The following CADPS2 variants were observed in gnomAD, a reference collection of about 807,000 sequenced individuals.
CADPS2 encodes the protein calcium-dependent secretion activator 2.
In CADPS2, 93 loss-of-function variants were observed where a neutral mutation model predicts 172.5. The observed-to-expected ratio is 0.54, with a 90% CI of 0.46 to 0.64. The LOEUF is 0.64. CADPS2 is among the 30% of genes least tolerant of loss of function. The pLI is 0.00. For synonymous variants in CADPS2, 546 were observed against 555.2 expected (o/e 0.98, Z 0.23); for missense variants, 1,420 against 1,565.9 (o/e 0.91, Z 1.57).
intron 3 of CADPS2, among the ~76,000 whole-genome samples, chr7:122,654,635 C>T (rs892991406): frequency 6.6e-6 from 1 of 152,122 alleles, no homozygotes; most frequent in African/African-American, 2.4e-5. Flanking sequence ...TAGTATTGCT[C>T]ATTGACAATG....
intron 5 of CADPS2, among the ~76,000 whole-genome samples, 167 bp downstream of exon 5, chr7:122,621,314 A>G (rs927658476): frequency 6.6e-6 from 1 of 152,182 alleles, no homozygotes; most frequent in African/African-American, 2.4e-5. Flanking sequence ...GAAAATTTGC[A>G]TTCATTTGCA....
At chr7:122,389,873 T>C (rs1246834032) in intron 22 of CADPS2, among the ~76,000 whole-genome samples, 3 of 152,064 alleles carry the variant, frequency 2.0e-5, no homozygotes, top group Non-Finnish European at 4.4e-5. Flanking sequence ...ATTCTGCACA[T>C]GTATCCCAGA....
At position 122,795,619 on chromosome 7, in the gene CADPS2, GA is replaced by G. The variant is rs1796202935; in HGVS notation, c.340-58552del. Among the ~76,000 whole-genome samples the G allele has an allele frequency of 2.0e-5, 3 of 152,110 alleles. No homozygotes were observed. The South Asian group carries it at 6.2e-4, about 32-fold the overall frequency. The stretch of plus-strand genomic sequence containing the variant: ...AGAACTAAAGACAAAAACCACATGA[GA>G]ATCTCAATCTATGTAGAAAAAACTT... On this transcript the variant is annotated intron_variant, in intron 1 of 29. Coordinates refer to ENST00000449022, the MANE Select transcript of CADPS2 (RefSeq NM_017954.11).
In CADPS2 at chr7:122,661,890, A is replaced by G. The variant is rs1563994581; in HGVS notation, c.786+1347T>C. Among the ~76,000 whole-genome samples the G allele has an allele frequency of 2.0e-5, 3 of 152,202 alleles. No individual in the cohort carries two copies. The South Asian group carries it at 6.2e-4, about 31-fold the overall frequency. On this transcript the variant is annotated intron_variant, in intron 3 of 29. Transcript: ENST00000449022. ...TGAGCTACTGTTTCACTAAAAATAC[A>G]AAGTTCCAGTTGAAGTTATCTTTCA...
intron 1 of CADPS2, among the ~76,000 whole-genome samples, chr7:122,872,628 T>C (rs1820066390): frequency 6.6e-6 from 1 of 152,082 alleles, no homozygotes; most frequent in African/African-American, 2.4e-5. Context: ...TTTGTAAGCC[T>C]TTTTAACTAA....
At chr7:122,687,450 G>T (rs2083780609) in intron 2 of CADPS2, among the ~76,000 whole-genome samples, 1 of 152,208 alleles carries the variant, frequency 6.6e-6, no homozygotes, top group African/African-American at 2.4e-5. Context: ...ACCATGAGCT[G>T]TGGAACCAGA....
At position 122,543,103 on chromosome 7, in the gene CADPS2, A is replaced by T. The variant is rs565606844; in HGVS notation, c.1475+11447T>A. Among the ~76,000 whole-genome samples the T allele has an allele frequency of 2.6e-5, 4 of 151,924 alleles. No individual in the cohort carries two copies. In the South Asian group the frequency reaches 6.2e-4, roughly 24 times the overall value. On this transcript the variant is annotated intron_variant, in intron 8 of 29. Transcript: ENST00000449022. ...ATAATCTGTGAATTCTGGTATAAGGATATTTTGGAAACAGCTTCAAGCTAC... is the reference window on the plus strand; with the variant it reads ...ATAATCTGTGAATTCTGGTATAAGGTTATTTTGGAAACAGCTTCAAGCTAC...
At chr7:122,607,408 C>T (rs2073717906) in intron 6 of CADPS2, among the ~76,000 whole-genome samples, 1 of 152,068 alleles carries the variant, frequency 6.6e-6, no homozygotes, top group Non-Finnish European at 1.5e-5. Context: ...TAAGCCCTTC[C>T]AAATTTAGAC....
intron 25 of CADPS2, among the ~76,000 whole-genome samples, chr7:122,371,414 G>C (rs1319995361): frequency 6.6e-6 from 1 of 152,176 alleles, no homozygotes; most frequent in African/African-American, 2.4e-5. Context: ...CAGCAGGATG[G>C]AGTGAGTGCA....
chr7:122,590,864 ATAGT>A (rs2070685867), intron 6 of CADPS2, among the ~76,000 whole-genome samples: 1 of 151,980 alleles, frequency 6.6e-6, no homozygotes, highest in Non-Finnish European at 1.5e-5. Context: ...CTTAATTTTA[ATAGT>A]TAATTTATAC....
chr7:122,795,322 A>C (rs903496986), intron 1 of CADPS2, among the ~76,000 whole-genome samples: 1 of 152,186 alleles, frequency 6.6e-6, no homozygotes, highest in Non-Finnish European at 1.5e-5. Context: ...AGAGAATATC[A>C]TGAACACTTC....
chr7:122,752,723 C>T (rs186409809), intron 1 of CADPS2, among the ~76,000 whole-genome samples: 11 of 152,236 alleles, frequency 7.2e-5, no homozygotes, highest in Admixed American at 2.0e-4. Context: ...AACTCTTTCC[C>T]TGTGAAACTT....
Position 122,600,380 on chromosome 7 carries a change from A to C in CADPS2, c.1223+14801T>G, listed in dbSNP as rs897465217. 3.0e-4 allele frequency among the ~76,000 whole-genome samples: 45 copies of C among 152,214 alleles called. 1 individual carries two copies. The highest frequency in any genetic ancestry group is 9.6e-4 in the African/African-American group (40 of 41,556). ...CTTCTCTGAAAAAACTGAGCCATGA[A>C]ACAGTCATAGATATGCCCAAGAAAA... On this transcript the variant is annotated intron_variant, in intron 6 of 29. Transcript: ENST00000449022.
At chr7:122,869,105 G>A (rs1182437478) in intron 1 of CADPS2, among the ~76,000 whole-genome samples, 1 of 151,936 alleles carries the variant, frequency 6.6e-6, no homozygotes, top group Non-Finnish European at 1.5e-5. Context: ...GAGTACCAGA[G>A]GGAGAAAAGA....
intron 2 of CADPS2, among the ~76,000 whole-genome samples, chr7:122,719,359 T>C (rs761045979): frequency 5.9e-5 from 9 of 152,036 alleles, no homozygotes; most frequent in Admixed American, 5.9e-4. Context: ...CTTGTTCAAA[T>C]CACCCACTTC....
intron 3 of CADPS2, among the ~76,000 whole-genome samples, chr7:122,630,837 C>G (rs755898088): frequency 3.8e-4 from 57 of 151,846 alleles, no homozygotes; most frequent in Non-Finnish European, 1.5e-5. Flanking sequence ...TTTTAAAAAA[C>G]CAAATTCATT....
intron 1 of CADPS2, among the ~76,000 whole-genome samples, chr7:122,739,781 G>A (rs1176110989): frequency 1.3e-5 from 2 of 152,264 alleles, no homozygotes; most frequent in African/African-American, 4.8e-5. Flanking sequence ...TAGCACTGGG[G>A]ATAGCTGTCA....
chr7:122,523,909 G>T (rs1457890762), intron 8 of CADPS2, among the ~76,000 whole-genome samples: 2 of 152,140 alleles, frequency 1.3e-5, no homozygotes, highest in Non-Finnish European at 2.9e-5. Flanking sequence ...CTTGCAGAGA[G>T]GTCTATTCCT....
At chr7:122,570,897 C>T (rs184127350) in intron 7 of CADPS2, among the ~76,000 whole-genome samples, 20 of 151,776 alleles carry the variant, frequency 1.3e-4, no homozygotes, top group Middle Eastern at 3.4e-3. Flanking sequence ...GTCGGGGGAG[C>T]GGGGAGGGAT....
Sources: allele counts gnomAD v4.1 joint callset (sites outside exome capture counted in the v4.1 genomes callset), GRCh38; gene constraint gnomAD v4.1.1; transcripts MANE v1.5; gene names NCBI Gene and HGNC (gene_info 2026-07-23, HGNC 2026-07-21).